The following TLL1 variants were observed in gnomAD, a reference collection of about 807,000 sequenced individuals.
The protein encoded by TLL1 is tolloid like 1, also known as tolloid-like protein 1.
In TLL1, 49 loss-of-function variants were observed where a neutral mutation model predicts 128.2. That is an observed-to-expected ratio of 0.38 (90% CI 0.30 to 0.48). The LOEUF is 0.48. TLL1 is among the 20% of genes least tolerant of loss of function. The pLI is 0.96. For synonymous variants in TLL1, 454 were observed against 418.8 expected (o/e 1.08, Z -1.03); for missense variants, 1,123 against 1,242.0 (o/e 0.90, Z 1.44).
chr4:166,092,045 AG>A (rs1741798914), intron 19 of TLL1, among the ~76,000 whole-genome samples: 1 of 151,710 alleles, frequency 6.6e-6, no homozygotes, highest in Admixed American at 6.6e-5. Flanking sequence ...CAGTTAAGAC[AG>A]TATATCAGTT....
At chr4:166,002,012 T>C (rs999768708) in intron 5 of TLL1, among the ~76,000 whole-genome samples, 3 of 152,190 alleles carry the variant, frequency 2.0e-5, no homozygotes, top group African/African-American at 7.2e-5. Context: ...TGTTGATTTT[T>C]CTTTACTACT....
chr4:165,992,764 A>G (rs1736704991), intron 2 of TLL1, 40 bp from the exon 3 acceptor site: 3 of 1,572,340 alleles, frequency 1.9e-6, no homozygotes, highest in African/African-American at 2.7e-5. Flanking sequence ...AAGAACTTTA[A>G]CATATTTTGA....
chr4:165,997,695 G>T (rs1419132809), intron 5 of TLL1, among the ~76,000 whole-genome samples: 9 of 152,098 alleles, frequency 5.9e-5, no homozygotes, highest in Admixed American at 2.0e-4. Flanking sequence ...TCTGTATCAG[G>T]CCTTTAGTAG....
At chr4:165,878,454 C>G (rs777513323) in intron 1 of TLL1, among the ~76,000 whole-genome samples, 1 of 151,942 alleles carries the variant, frequency 6.6e-6, no homozygotes, top group Non-Finnish European at 1.5e-5. Context: ...ACATTATATT[C>G]CATACACTTG....
At chr4:166,008,101 C>T (rs935108001) in intron 7 of TLL1, 53 bp downstream of exon 7, 54 of 1,331,588 alleles carry the variant, frequency 4.1e-5, no homozygotes, top group Non-Finnish European at 5.6e-5. Context: ...CTCCATGTGG[C>T]TCCTCACAAA....
At chr4:165,999,627 A>G (rs1034149484) in intron 5 of TLL1, among the ~76,000 whole-genome samples, 2 of 143,888 alleles carry the variant, frequency 1.4e-5, no homozygotes, top group Non-Finnish European at 3.0e-5. Flanking sequence ...CACAAAGTCC[A>G]GCTAATTTTT....
intron 1 of TLL1, among the ~76,000 whole-genome samples, chr4:165,920,325 A>G (rs1218165965): frequency 2.0e-5 from 3 of 152,228 alleles, no homozygotes; most frequent in Non-Finnish European, 4.4e-5. Flanking sequence ...AAGGTGAAAC[A>G]TTTATAACTT....
rs113125976 is a variant in TLL1, at chr4:165,936,943, C to G, written c.170-52438C>G. Among the ~76,000 whole-genome samples the G allele has an allele frequency of 6.5e-3, 992 of 151,836 alleles. 9 individuals carry two copies. The highest frequency in any genetic ancestry group is 0.023 in the African/African-American group (952 of 41,422). On this transcript the variant is annotated intron_variant, in intron 1 of 20. Coordinates refer to ENST00000061240, the MANE Select transcript of TLL1 (RefSeq NM_012464.5). ...GTGAGACTCCATCTCAAACAAAAAGCAAAAAACGAAAGACACCCAGAAATG... is the reference window on the plus strand; with the variant it reads ...GTGAGACTCCATCTCAAACAAAAAGGAAAAAACGAAAGACACCCAGAAATG...
intron 12 of TLL1, among the ~76,000 whole-genome samples, chr4:166,045,740 CCTCTTT>C (rs1389611938): frequency 6.6e-6 from 1 of 152,018 alleles, no homozygotes; most frequent in Non-Finnish European, 1.5e-5. Context: ...CTCGTCTCGC[CCTCTTT>C]CTCTTTCTCA....
chr4:165,876,375 G>C (rs1231800142), intron 1 of TLL1, among the ~76,000 whole-genome samples: 1 of 152,064 alleles, frequency 6.6e-6, no homozygotes, highest in Non-Finnish European at 1.5e-5. Flanking sequence ...AGATGGGGAC[G>C]GGTCTGTGAA....
intron 16 of TLL1, among the ~76,000 whole-genome samples, chr4:166,067,952 C>T (rs576891129): frequency 4.0e-5 from 6 of 151,824 alleles, no homozygotes; most frequent in Non-Finnish European, 8.9e-5. Flanking sequence ...ATGACCTTGG[C>T]AAATGGCATT....
chr4:165,960,508 G>A (rs1328392040), intron 1 of TLL1, among the ~76,000 whole-genome samples: 4 of 151,632 alleles, frequency 2.6e-5, no homozygotes, highest in Non-Finnish European at 2.9e-5. Flanking sequence ...GAGACACAAC[G>A]AAAAAAGAAG....
At chr4:166,075,957 TTTTC>T (rs1741003628) in intron 17 of TLL1, among the ~76,000 whole-genome samples, 1 of 152,134 alleles carries the variant, frequency 6.6e-6, no homozygotes, top group Non-Finnish European at 1.5e-5. Context: ...AAACAGGAAT[TTTTC>T]TTTCTCTGCT....
Position 165,902,301 on chromosome 4 carries a change from A to C in TLL1, c.169+28228A>C, listed in dbSNP as rs560176406. 4.6e-4 allele frequency among the ~76,000 whole-genome samples: 69 copies of C among 148,992 alleles called. 2 individuals carry two copies. In the South Asian group the frequency reaches 0.013, roughly 27 times the overall value. ...GGTGCCACCAGGTTATGAAAAAAAA[A>C]CAAAAAAACAAAAAAACAAAAACAA... On this transcript the variant is annotated intron_variant, in intron 1 of 20. Transcript: ENST00000061240.
At chr4:165,983,894 T>A (rs1736275472) in intron 1 of TLL1, among the ~76,000 whole-genome samples, 1 of 151,864 alleles carries the variant, frequency 6.6e-6, no homozygotes, top group Admixed American at 6.6e-5. Flanking sequence ...TCCAATCCAG[T>A]GTGCGAGGAA....
intron 1 of TLL1, among the ~76,000 whole-genome samples, chr4:165,930,349 A>G (rs1733459620): frequency 1.3e-5 from 2 of 152,210 alleles, no homozygotes; most frequent in African/African-American, 4.8e-5. Flanking sequence ...TAAGTATGAT[A>G]TAGGAGAATT....
intron 1 of TLL1, among the ~76,000 whole-genome samples, chr4:165,879,930 T>C (rs1396110282): frequency 6.6e-6 from 1 of 152,136 alleles, no homozygotes; most frequent in Non-Finnish European, 1.5e-5. Context: ...CTGGAATTAA[T>C]TGTGGACTTA....
At chr4:165,996,283 G>A (rs1386327614) in intron 5 of TLL1, among the ~76,000 whole-genome samples, 2 of 151,952 alleles carry the variant, frequency 1.3e-5, no homozygotes, top group East Asian at 1.9e-4. Context: ...TACTTTACAC[G>A]TAGGCGATCA....
chr4:165,991,502 A>C (rs1209531518), intron 2 of TLL1, among the ~76,000 whole-genome samples: 2 of 152,132 alleles, frequency 1.3e-5, no homozygotes, highest in South Asian at 2.1e-4. Flanking sequence ...GTGCAATGAA[A>C]AAATTTCAAA....
Sources: allele counts gnomAD v4.1 joint callset (sites outside exome capture counted in the v4.1 genomes callset), GRCh38; gene constraint gnomAD v4.1.1; transcripts MANE v1.5; gene names NCBI Gene and HGNC (gene_info 2026-07-23, HGNC 2026-07-21).